Variants in S100A13 observed in about 807,000 individuals in gnomAD.
S100A13 encodes protein S100-A13.
S100A13 carries 6 observed loss-of-function variants against 8.2 expected under a neutral mutation model. The ratio of observed to expected loss-of-function variants is 0.73; its 90% confidence interval spans 0.40 to 1.44. The LOEUF is 1.44. S100A13 is among the 40% of genes most tolerant of loss of function. The pLI, the probability that S100A13 is intolerant of heterozygous loss-of-function variation, is 0.02. For synonymous variants in S100A13, 39 were observed against 45.9 expected (o/e 0.85, Z 0.61); for missense variants, 114 against 113.6 (o/e 1.00, Z -0.02).
chr1:153,623,535 A>C (rs1028013029), intron 2 of S100A13, among the ~76,000 whole-genome samples: 1 of 152,072 alleles, frequency 6.6e-6, no homozygotes, highest in Non-Finnish European at 1.5e-5. Flanking sequence ...ACAGGCGCAC[A>C]CAACCATGCC....
upstream of S100A13, among the ~76,000 whole-genome samples, chr1:153,632,810 C>G (rs1179868944): frequency 6.6e-6 from 1 of 152,116 alleles, no homozygotes; most frequent in Admixed American, 6.5e-5. Flanking sequence ...GGAAGGGTTG[C>G]AGATGTGTCA....
At position 153,618,958 on chromosome 1, in the gene S100A13, T is replaced by C. The variant is rs149274370; in HGVS notation, c.234A>G (p.Arg78=). Reference sequence around the variant, plus strand: ...TTTCCTTGGCCAGCTCCCCAATCAATCTCCAGTACTCATTGAACTTGAGCT... The same window carrying C: ...TTTCCTTGGCCAGCTCCCCAATCAACCTCCAGTACTCATTGAACTTGAGCT... ...DSELKFNEYW[R]LIGELAKEIR... Residue 78 remains arginine (R), a synonymous_variant, in exon 3 of 3, where the codon AGA becomes AGG. Coordinates refer to ENST00000476133, the MANE Select transcript of S100A13 (RefSeq NM_001024211.2). The C allele has an allele frequency of 4.6e-5, 75 of 1,613,730 alleles. No homozygotes were observed. The highest frequency in any genetic ancestry group is 1.6e-4 in the Middle Eastern group (1 of 6,080).
At chr1:153,622,183 A>C (rs1347272973) in intron 2 of S100A13, among the ~76,000 whole-genome samples, 1 of 152,148 alleles carries the variant, frequency 6.6e-6, no homozygotes, top group Non-Finnish European at 1.5e-5. Flanking sequence ...CAGCCTGGCC[A>C]ACATGGCGAA....
chr1:153,634,053 A>C (rs1330935527), upstream of S100A13: 1 of 152,758 alleles, frequency 6.5e-6, no homozygotes, highest in Non-Finnish European at 1.5e-5. Context: ...AGCCGGTCAG[A>C]CAAGCACTGG....
intron 2 of S100A13, among the ~76,000 whole-genome samples, chr1:153,624,271 TGAG>T (rs1387360196): frequency 2.0e-5 from 3 of 151,808 alleles, no homozygotes; most frequent in Admixed American, 1.3e-4. Flanking sequence ...TTTTTGGAAA[TGAG>T]GAGTTGAGAA....
chr1:153,620,025 G>A (rs1260659273), intron 2 of S100A13, among the ~76,000 whole-genome samples: 5 of 152,146 alleles, frequency 3.3e-5, no homozygotes, highest in South Asian at 2.1e-4. Context: ...GGTGGCTCAC[G>A]CCTGTAATCT....
upstream of S100A13, chr1:153,628,722 AAAG>A (rs1012542082): frequency 4.5e-5 from 34 of 759,260 alleles, no homozygotes; most frequent in Non-Finnish European, 6.1e-5. Flanking sequence ...GCAGCTCAGC[AAAG>A]GAGGAAGCCA....
At chr1:153,622,376 CA>C (rs1332378940) in intron 2 of S100A13, among the ~76,000 whole-genome samples, 1 of 152,164 alleles carries the variant, frequency 6.6e-6, no homozygotes, top group Non-Finnish European at 1.5e-5. Flanking sequence ...TTCTCAAAAA[CA>C]AATTAAAAAT....
chr1:153,628,698 C>A (rs1003089443), upstream of S100A13: 3 of 901,918 alleles, frequency 3.3e-6, no homozygotes, highest in African/African-American at 3.3e-5. Context: ...AACTGAAGGT[C>A]GGAGAGAGAG....
chr1:153,630,613 AGAAGGAGCT>A, upstream of S100A13: 1 of 1,614,268 alleles, frequency 6.2e-7, no homozygotes, highest in Non-Finnish European at 8.5e-7. Context: ...AAGCTGAGCA[AGAAGGAGCT>A]GAAAGAGCTG....
chr1:153,627,954 C>A (rs1289238659), upstream of S100A13: 11 of 1,398,610 alleles, frequency 7.9e-6, no homozygotes, highest in Middle Eastern at 5.0e-4. Context: ...TGAGGCCCCA[C>A]ACACAGAGGG....
chr1:153,627,983 C>T (rs1435227087), upstream of S100A13: 2 of 1,520,794 alleles, frequency 1.3e-6, no homozygotes, highest in Non-Finnish European at 1.8e-6. Flanking sequence ...GTTGAGACCC[C>T]CAGAGAAGAG....
chr1:153,620,746 T>C (rs1487175733), intron 2 of S100A13, among the ~76,000 whole-genome samples: 1 of 152,118 alleles, frequency 6.6e-6, no homozygotes, highest in Non-Finnish European at 1.5e-5. Flanking sequence ...GCATAGGTTA[T>C]ATGCAAGTAC....
At chr1:153,632,699 G>T (rs895879141), upstream of S100A13, among the ~76,000 whole-genome samples, 6 of 152,014 alleles carry the variant, frequency 3.9e-5, no homozygotes, top group Non-Finnish European at 8.8e-5. Context: ...AGGATGCTGG[G>T]CCATTACTTA....
intron 2 of S100A13, among the ~76,000 whole-genome samples, chr1:153,625,162 C>T (rs930547359): frequency 1.5e-4 from 23 of 152,082 alleles, no homozygotes; most frequent in African/African-American, 5.3e-4. Flanking sequence ...TGCCTGAGCC[C>T]GGAAGGTCAA....
At chr1:153,628,413 G>T, upstream of S100A13, 1 of 1,550,494 alleles carries the variant, frequency 6.4e-7, no homozygotes, top group Non-Finnish European at 8.7e-7. Context: ...TTGAAGACAG[G>T]TCTCCACACA....
At chr1:153,634,128 G>C (rs1668206171), upstream of S100A13, 1 of 152,984 alleles carries the variant, frequency 6.5e-6, no homozygotes, top group Non-Finnish European at 1.5e-5. Flanking sequence ...CGAAAGGCAG[G>C]AAAGGGCAGG....
intron 2 of S100A13, among the ~76,000 whole-genome samples, chr1:153,619,746 G>A (rs1340218952): frequency 1.3e-5 from 2 of 152,166 alleles, no homozygotes; most frequent in African/African-American, 4.8e-5. Flanking sequence ...ACCAGAGAAG[G>A]GTGCCTCAGG....
At chr1:153,621,208 G>A (rs57058331) in intron 2 of S100A13, among the ~76,000 whole-genome samples, 3,975 of 148,964 alleles carry the variant, frequency 0.027, 157 homozygotes, top group African/African-American at 0.094. Context: ...CCAGGCTGGC[G>A]TGCAGTAGTA....
Sources: allele counts gnomAD v4.1 joint callset (sites outside exome capture counted in the v4.1 genomes callset), GRCh38; gene constraint gnomAD v4.1.1; transcripts MANE v1.5; gene names NCBI Gene and HGNC (gene_info 2026-07-23, HGNC 2026-07-21).